The following PPP2R5C variants were observed in gnomAD, a reference collection of about 807,000 sequenced individuals.
PPP2R5C encodes protein phosphatase 2 regulatory subunit B'gamma.
PPP2R5C carries 7 observed loss-of-function variants against 68.9 expected under a neutral mutation model. That is an observed-to-expected ratio of 0.10 (90% CI 0.06 to 0.19). The LOEUF (loss-of-function observed/expected upper bound fraction) is 0.19, where lower values mean the gene tolerates loss of function less well. Ranked by LOEUF, PPP2R5C falls within the 10% of genes least tolerant of loss-of-function variation. PPP2R5C has a pLI of 1.00. For missense variants in PPP2R5C, 348 were observed against 641.3 expected, an observed-to-expected ratio of 0.54 and a Z score of 4.94; for synonymous variants, 210 against 222.2, an observed-to-expected ratio of 0.95 and a Z score of 0.49.
In PPP2R5C at chr14:101,865,957, G is replaced by C. The variant is rs138076036; in HGVS notation, c.294+9072G>C. Among the ~76,000 whole-genome samples the C allele has an allele frequency of 1.2e-4, 18 of 152,332 alleles. No homozygotes were observed. In the East Asian group the frequency reaches 2.7e-3, roughly 23 times the overall value. ...TTCTCTGTCGCCAGGCTGGAGTGCA[G>C]TGGCGTAATCTCGGCTCACTGCAAC... On this transcript the variant is annotated intron_variant, in intron 2 of 13. Coordinates refer to ENST00000334743, the Ensembl canonical transcript of PPP2R5C.
At chr14:101,784,459 T>G (rs1027019613) in intron 2 of PPP2R5C, among the ~76,000 whole-genome samples, 4 of 142,794 alleles carry the variant, frequency 2.8e-5, no homozygotes, top group South Asian at 2.2e-4. Context: ...TGGCAGAAGG[T>G]GAAGGGGAAG....
chr14:101,896,026 T>C (rs1428490626), intron 8 of PPP2R5C, among the ~76,000 whole-genome samples: 1 of 152,122 alleles, frequency 6.6e-6, no homozygotes, highest in African/African-American at 2.4e-5. Context: ...TTTTATTTTA[T>C]CTTATTTTTT....
chr14:101,848,187 A>T (rs139228652), intron 1 of PPP2R5C, among the ~76,000 whole-genome samples: 288 of 152,340 alleles, frequency 1.9e-3, no homozygotes, highest in African/African-American at 6.5e-3. Context: ...CAATCAAAAA[A>T]TTAGAAGCTT....
In PPP2R5C at chr14:101,786,965, T is replaced by C. The variant is rs371756371; in HGVS notation, c.259+782T>C. Among the ~76,000 whole-genome samples the C allele has an allele frequency of 5.3e-5, 8 of 152,352 alleles. No individual in the cohort carries two copies. The South Asian group carries it at 8.3e-4, about 16-fold the overall frequency. ...ACAATTAATTTCCACTGAATATTAATTCAGCAACCAGTCCAGTGGCTCGCG... is the reference window on the plus strand; with the variant it reads ...ACAATTAATTTCCACTGAATATTAACTCAGCAACCAGTCCAGTGGCTCGCG... On this transcript the variant is annotated intron_variant, in intron 3 of 14. Coordinates refer to the PPP2R5C transcript ENST00000328724.
intron 2 of PPP2R5C, among the ~76,000 whole-genome samples, chr14:101,872,820 C>T (rs2043511317): frequency 6.6e-6 from 1 of 151,880 alleles, no homozygotes; most frequent in East Asian, 1.9e-4. Context: ...GAAATTGTCT[C>T]TTCAAATATT....
Position 101,912,292 on chromosome 14 carries a change from C to T in PPP2R5C, c.1254-109C>T, listed in dbSNP as rs1595541707. The T allele has an allele frequency of 1.8e-5, 15 of 822,756 alleles. No individual in the cohort carries two copies. The East Asian group carries it at 4.3e-4, about 24-fold the overall frequency. The allele number at this position is 822,756 out of a possible 1,614,324, so 51.0% of individuals were successfully genotyped here. A position where few individuals can be genotyped will look rare whatever the true frequency, so the allele number is the denominator to read the frequency against. On this transcript the variant is annotated intron_variant, in intron 11 of 13. Coordinates refer to ENST00000334743, the Ensembl canonical transcript of PPP2R5C. ...AGTGTGGGGAAATGGAGCAGGGGGG[C>T]TGCGGGAGGAGCCGCTGGCTGGGCT... is the stretch of plus-strand genomic sequence containing the variant.
intron 2 of PPP2R5C, among the ~76,000 whole-genome samples, chr14:101,866,680 A>G (rs938514130): frequency 7.9e-5 from 12 of 152,312 alleles, no homozygotes; most frequent in African/African-American, 1.7e-4. Context: ...AAAAAAATAA[A>G]TAAATAAATA....
At chr14:101,832,986 G>A (rs977700697) in intron 1 of PPP2R5C, among the ~76,000 whole-genome samples, 4 of 152,230 alleles carry the variant, frequency 2.6e-5, no homozygotes, top group Admixed American at 2.0e-4. Context: ...TGGATAGTCA[G>A]GGAGGTTGCA....
chr14:101,918,815 C>G (rs1467877365), intron 13 of PPP2R5C, among the ~76,000 whole-genome samples: 1 of 149,194 alleles, frequency 6.7e-6, no homozygotes, highest in Non-Finnish European at 1.5e-5. Context: ...TGCCGTGTTT[C>G]CCTGAGCGTC....
At chr14:101,922,181 CAAAG>C (rs2047042912) in intron 13 of PPP2R5C, 4 of 985,324 alleles carry the variant, frequency 4.1e-6, no homozygotes, top group African/African-American at 1.7e-5. Context: ...ATGGTCAAAA[CAAAG>C]AAAGAAATTT....
chr14:101,816,806 T>C (rs972184857), intron 1 of PPP2R5C, among the ~76,000 whole-genome samples: 2 of 149,028 alleles, frequency 1.3e-5, no homozygotes, highest in South Asian at 2.1e-4. Context: ...CAATTATTCA[T>C]TGAAATTCTA....
intron 5 of PPP2R5C, among the ~76,000 whole-genome samples, chr14:101,885,587 T>C (rs1187128129): frequency 3.3e-5 from 5 of 152,224 alleles, no homozygotes; most frequent in Admixed American, 3.3e-4. Context: ...GCACACCTGA[T>C]AGGGCATTTC....
chr14:101,924,366 A>G (rs1292636156), intron 13 of PPP2R5C, among the ~76,000 whole-genome samples: 1 of 151,234 alleles, frequency 6.6e-6, no homozygotes, highest in Non-Finnish European at 1.5e-5. Context: ...ATTTTTTTCA[A>G]TTTGATAGAA....
At chr14:101,794,397 CTTTA>C (rs1325214362) in intron 3 of PPP2R5C, among the ~76,000 whole-genome samples, 1 of 152,052 alleles carries the variant, frequency 6.6e-6, no homozygotes, top group Non-Finnish European at 1.5e-5. Context: ...CAGCTGTTGA[CTTTA>C]TTTATTTATT....
chr14:101,815,505 C>T (rs61994041), intron 1 of PPP2R5C, among the ~76,000 whole-genome samples: 22,214 of 152,152 alleles, frequency 0.15, 1,814 homozygotes, highest in Admixed American at 0.19. Context: ...CAGCTAGTAA[C>T]TGTTGACTTA....
intron 1 of PPP2R5C, chr14:101,810,144 C>A: frequency 9.6e-7 from 1 of 1,039,072 alleles, no homozygotes; most frequent in Non-Finnish European, 1.4e-6. Context: ...CAGAATTCAC[C>A]CCATTTCGCT....
intron 2 of PPP2R5C, among the ~76,000 whole-genome samples, chr14:101,863,869 GCCTGC>G (rs2042905364): frequency 1.3e-5 from 2 of 152,156 alleles, no homozygotes; most frequent in Admixed American, 6.5e-5. Flanking sequence ...CTGCACTCCA[GCCTGC>G]GCACCACAGA....
intron 2 of PPP2R5C, among the ~76,000 whole-genome samples, chr14:101,873,304 A>G (rs1479659787): frequency 6.6e-6 from 1 of 152,052 alleles, no homozygotes; most frequent in African/African-American, 2.4e-5. Flanking sequence ...GTAATTTTTA[A>G]TTGGATGTCT....
At chr14:101,867,775 C>CA (rs987821743) in intron 2 of PPP2R5C, among the ~76,000 whole-genome samples, 13 of 151,680 alleles carry the variant, frequency 8.6e-5, no homozygotes, top group African/African-American at 2.7e-4. Flanking sequence ...AAGATTCCAT[C>CA]AAAAAAATTA....
Sources: allele counts gnomAD v4.1 joint callset (sites outside exome capture counted in the v4.1 genomes callset), GRCh38; gene constraint gnomAD v4.1.1; transcripts MANE v1.5; gene names NCBI Gene and HGNC (gene_info 2026-07-23, HGNC 2026-07-21).